CCDC85A: variants seen among roughly 807,000 people sequenced by gnomAD.
CCDC85A encodes coiled-coil domain-containing protein 85A.
Under a neutral mutation model 50.2 loss-of-function variants are expected in CCDC85A, and 38 were observed. That is an observed-to-expected ratio of 0.76 (90% CI 0.58 to 0.99). The LOEUF (loss-of-function observed/expected upper bound fraction) is 0.99, where lower values mean the gene tolerates loss of function less well. Ranked by LOEUF, CCDC85A falls within the 50% of genes least tolerant of loss-of-function variation. The probability of loss-of-function intolerance (pLI) is 0.00; values close to 1 mark genes in which losing one functional copy is unlikely to be tolerated. For synonymous variants in CCDC85A, 366 were observed against 301.4 expected (o/e 1.21, Z -2.22); for missense variants, 820 against 742.0 (o/e 1.11, Z -1.22).
Position 56,184,379 on chromosome 2 carries a change from C to T in CCDC85A, c.-246C>T, listed in dbSNP as rs1675897896. 5 of 486,752 alleles carry T rather than the reference C, an allele frequency of 1.0e-5. No individual in the cohort carries two copies. The highest frequency in any genetic ancestry group is 1.5e-5 in the Non-Finnish European group (5 of 329,310). 30.2% of individuals were successfully genotyped at this position (486,752 alleles called of 1,614,324 possible). A position where few individuals can be genotyped will look rare whatever the true frequency, so the allele number is the denominator to read the frequency against. On this transcript the variant is annotated 5_prime_UTR_variant, in exon 1 of 6. The change creates a new upstream start codon in the 5' untranslated region. Transcript: ENST00000407595. Reference sequence around the variant, plus strand: ...ACCATGGACTTGCGCGGAGTTGGGACGGGCCTCGGCAGCAGCAAGCGGCTG... The same window carrying T: ...ACCATGGACTTGCGCGGAGTTGGGATGGGCCTCGGCAGCAGCAAGCGGCTG...
At chr2:56,297,387 A>G (rs982268336) in intron 2 of CCDC85A, among the ~76,000 whole-genome samples, 1 of 140,716 alleles carries the variant, frequency 7.1e-6, no homozygotes, top group Non-Finnish European at 1.5e-5. Flanking sequence ...TAGTCTTTGT[A>G]CGAGCCTTTT....
intron 2 of CCDC85A, among the ~76,000 whole-genome samples, chr2:56,316,350 A>G (rs1015734548): frequency 6.6e-6 from 1 of 151,958 alleles, no homozygotes; most frequent in African/African-American, 2.4e-5. Context: ...TTTTTCTCGT[A>G]TATATTTAGA....
At chr2:56,212,440 A>G (rs2103881798) in intron 2 of CCDC85A, among the ~76,000 whole-genome samples, 1 of 152,174 alleles carries the variant, frequency 6.6e-6, no homozygotes, top group Admixed American at 6.5e-5. Flanking sequence ...GGCAGTGTTC[A>G]GAGTATTCAT....
At chr2:56,254,064 A>G (rs1220755082) in intron 2 of CCDC85A, among the ~76,000 whole-genome samples, 4 of 152,178 alleles carry the variant, frequency 2.6e-5, no homozygotes, top group African/African-American at 7.2e-5. Flanking sequence ...ATGCACACAC[A>G]TATACACATA....
chr2:56,227,921 T>C (rs1434153107), intron 2 of CCDC85A, among the ~76,000 whole-genome samples: 1 of 152,206 alleles, frequency 6.6e-6, no homozygotes, highest in African/African-American at 2.4e-5. Flanking sequence ...TGGAAACCAG[T>C]GCTCTCTGCA....
At chr2:56,188,525 C>T (rs36015681) in intron 1 of CCDC85A, among the ~76,000 whole-genome samples, 1 of 151,932 alleles carries the variant, frequency 6.6e-6, no homozygotes, top group African/African-American at 2.4e-5. Flanking sequence ...AAGTATTTTC[C>T]TATGAAAATT....
At chr2:56,289,137 G>T (rs1671586007) in intron 2 of CCDC85A, among the ~76,000 whole-genome samples, 1 of 152,106 alleles carries the variant, frequency 6.6e-6, no homozygotes, top group Non-Finnish European at 1.5e-5. Flanking sequence ...AAGTCAGTAG[G>T]CAACACAGGA....
intron 2 of CCDC85A, among the ~76,000 whole-genome samples, chr2:56,215,945 A>G (rs1677376248): frequency 6.6e-6 from 1 of 151,964 alleles, no homozygotes; most frequent in Non-Finnish European, 1.5e-5. Flanking sequence ...TTCATTGTCC[A>G]TAAATAAAGT....
intron 2 of CCDC85A, among the ~76,000 whole-genome samples, chr2:56,208,668 A>G (rs1677053287): frequency 6.6e-6 from 1 of 152,044 alleles, no homozygotes; most frequent in African/African-American, 2.4e-5. Flanking sequence ...GTGATTTTAT[A>G]GGCTTCAGGC....
chr2:56,382,772 G>C (rs1239411804), intron 5 of CCDC85A, among the ~76,000 whole-genome samples: 1 of 151,976 alleles, frequency 6.6e-6, no homozygotes, highest in Non-Finnish European at 1.5e-5. Context: ...TTCAATATTT[G>C]AAGAGGAGTT....
At chr2:56,200,168 G>A (rs977207808) in intron 2 of CCDC85A, among the ~76,000 whole-genome samples, 5 of 152,242 alleles carry the variant, frequency 3.3e-5, no homozygotes, top group South Asian at 2.1e-4. Context: ...CACCCAGCCC[G>A]TTTTTGCTTG....
intron 5 of CCDC85A, among the ~76,000 whole-genome samples, chr2:56,382,176 G>T (rs1676617258): frequency 6.6e-6 from 1 of 151,996 alleles, no homozygotes. Context: ...AATGCAGATT[G>T]TAAAGCAATT....
intron 2 of CCDC85A, among the ~76,000 whole-genome samples, chr2:56,319,349 A>G (rs1381069780): frequency 5.9e-5 from 9 of 152,014 alleles, no homozygotes; most frequent in Admixed American, 2.6e-4. Flanking sequence ...TCTCACATCA[A>G]TGCTTGTAAC....
Position 56,341,777 on chromosome 2 carries a change from T to C in CCDC85A, c.1241-1102T>C, listed in dbSNP as rs572001495. On this transcript the variant is annotated intron_variant, in intron 2 of 5. Coordinates refer to ENST00000407595, the MANE Select transcript of CCDC85A (RefSeq NM_001080433.2). The stretch of plus-strand genomic sequence containing the variant: ...AAATAGTCAATTTCAGGTCTGCTCC[T>C]GGTTTACCTAAAGATGTGTGAAAAA... 4.6e-5 allele frequency among the ~76,000 whole-genome samples: 7 copies of C among 152,336 alleles called. No homozygotes were observed. In the East Asian group the frequency reaches 1.4e-3, roughly 29 times the overall value.
intron 2 of CCDC85A, among the ~76,000 whole-genome samples, chr2:56,285,127 A>T (rs1430137760): frequency 1.4e-5 from 2 of 145,404 alleles, no homozygotes; most frequent in Non-Finnish European, 1.5e-5. Flanking sequence ...TTTTACATGG[A>T]GTCTCACTCT....
At chr2:56,228,324 T>TATAATA (rs36058795) in intron 2 of CCDC85A, among the ~76,000 whole-genome samples, 11,383 of 147,960 alleles carry the variant, frequency 0.077, 522 homozygotes, top group Non-Finnish European at 0.097. Flanking sequence ...AAACTTAAAG[T>TATAATA]ATAATAATAA....
intron 3 of CCDC85A, among the ~76,000 whole-genome samples, chr2:56,346,024 C>T (rs1419561669): frequency 6.6e-6 from 1 of 152,146 alleles, no homozygotes; most frequent in African/African-American, 2.4e-5. Flanking sequence ...ATGTAGCTGG[C>T]AGCTGGAATC....
intron 2 of CCDC85A, among the ~76,000 whole-genome samples, chr2:56,331,899 CA>C (rs1469992842): frequency 2.0e-5 from 3 of 152,286 alleles, no homozygotes; most frequent in South Asian, 2.1e-4. Flanking sequence ...TTTCTCTTCA[CA>C]AAAAAATGCC....
chr2:56,191,043 C>T (rs1481544650), intron 1 of CCDC85A, among the ~76,000 whole-genome samples: 2 of 152,176 alleles, frequency 1.3e-5, no homozygotes, highest in African/African-American at 2.4e-5. Context: ...GACATGCTCA[C>T]CTCGCTGTAC....
Sources: gnomAD v4.1 joint callset for allele counts (sites outside exome capture counted in the v4.1 genomes callset) on GRCh38, gnomAD v4.1.1 for gene constraint, MANE v1.5 for transcripts, NCBI Gene and HGNC (gene_info 2026-07-23, HGNC 2026-07-21) for gene names.